TMEM220: variants seen among roughly 807,000 people sequenced by gnomAD.
TMEM220 encodes transmembrane protein 220.
In TMEM220, 21 loss-of-function variants were observed where a neutral mutation model predicts 21.7. The observed-to-expected ratio is 0.97, with a 90% confidence interval of 0.69 to 1.39. TMEM220 has a LOEUF of 1.39. Ranked by LOEUF, TMEM220 falls within the 40% of genes most tolerant of loss-of-function variation. The pLI is 0.00. For synonymous variants in TMEM220, 80 were observed against 73.6 expected (o/e 1.09, Z -0.45); for missense variants, 191 against 201.9 (o/e 0.95, Z 0.33).
rs138543858 is a variant in TMEM220, at chr17:10,722,693, G to A, written c.347+577C>T. On this transcript the variant is annotated intron_variant, in intron 5 of 5. Transcript: ENST00000341871. Reference sequence around the variant, plus strand: ...TTAACATTCATCGATATGTACACACGCACTTATATTGTCTTTGCTCTTCAT... The same window carrying A: ...TTAACATTCATCGATATGTACACACACACTTATATTGTCTTTGCTCTTCAT... 4.6e-5 allele frequency among the ~76,000 whole-genome samples: 7 copies of A among 152,174 alleles called. No individual in the cohort carries two copies. The East Asian group carries it at 7.7e-4, about 17-fold the overall frequency.
In TMEM220 at chr17:10,714,419, T is replaced by A. The variant is rs958845773; in HGVS notation, c.*1034A>T. On this transcript the variant is annotated 3_prime_UTR_variant, in exon 6 of 6. Coordinates refer to ENST00000341871, the MANE Select transcript of TMEM220 (RefSeq NM_001004313.3). ...AAAAGCTCTCCTCCCTAGGATTACT[T>A]TGGACATCCATTTATAAAGAATGTA... 1.3e-5 allele frequency: 2 copies of A among 152,118 alleles called. No homozygotes were observed. The highest frequency in any genetic ancestry group is 6.5e-5 in the Admixed American group (1 of 15,272). The allele number at this position is 152,118 out of a possible 1,614,324, so 9.4% of individuals were successfully genotyped here.
At chr17:10,729,087 A>G in intron 1 of TMEM220, 27 bp from the exon 2 acceptor site, 2 of 1,613,978 alleles carry the variant, frequency 1.2e-6, no homozygotes, top group South Asian at 1.1e-5. Flanking sequence ...CCAAGGTGTT[A>G]GCAGACATCC....
intron 2 of TMEM220, 189 bp from the exon 3 acceptor site, chr17:10,726,453 A>C: frequency 1.6e-6 from 1 of 612,060 alleles, no homozygotes; most frequent in East Asian, 2.8e-5. Context: ...GTCTGCCTGC[A>C]ATTTTATCTA....
intron 4 of TMEM220, 46 bp from the exon 5 acceptor site, chr17:10,723,375 A>G: frequency 7.0e-7 from 1 of 1,436,676 alleles, no homozygotes; most frequent in Non-Finnish European, 9.8e-7. Flanking sequence ...GCTACAAGTG[A>G]GATGCATATC....
Position 10,714,306 on chromosome 17 carries a change from T to C in TMEM220, c.*1147A>G, listed in dbSNP as rs2074882256. The C allele has an allele frequency of 6.6e-6, 1 of 152,066 alleles. No homozygotes were observed. Among genetic ancestry groups the C allele is most frequent in the South Asian group, 2.1e-4 (1 of 4,814 alleles). 9.4% of individuals were successfully genotyped at this position (152,066 alleles called of 1,614,324 possible). A position where few individuals can be genotyped will look rare whatever the true frequency, so the allele number is the denominator to read the frequency against. On this transcript the variant is annotated 3_prime_UTR_variant, in exon 6 of 6. Transcript: ENST00000341871. ...TAAAATTTGCAATTGGAAAATTAGA[T>C]TCAAATACCCAAGTTGTTCCAAACA...
At position 10,713,304 on chromosome 17, in the gene TMEM220, TATTAA is replaced by T. The variant is rs2074868677; in HGVS notation, c.*2144_*2148del. On this transcript the variant is annotated 3_prime_UTR_variant, in exon 6 of 6. Transcript: ENST00000341871. Reference sequence around the variant, plus strand: ...AAAAAAAAGATTTTAATAATAGAAATATTAAATTTAATAATAATACTTAAATTCAA... The same window carrying T: ...AAAAAAAAGATTTTAATAATAGAAATATTTAATAATAATACTTAAATTCAA... 1 of 150,558 alleles carries T rather than the reference TATTAA, an allele frequency of 6.6e-6. No individual in the cohort carries two copies. The highest frequency in any genetic ancestry group is 2.4e-5 in the African/African-American group (1 of 41,056). 9.3% of individuals were successfully genotyped at this position (150,558 alleles called of 1,614,324 possible).
Position 10,715,535 on chromosome 17 carries a change from A to G in TMEM220, c.401T>C (p.Phe134Ser), listed in dbSNP as rs1167839209. 4 of 1,605,038 alleles carry G rather than the reference A, an allele frequency of 2.5e-6. No individual in the cohort carries two copies. The highest frequency in any genetic ancestry group is 2.5e-6 in the Non-Finnish European group (3 of 1,177,820). Reference protein sequence around the residue: ...QLAIAIVITLFPFISWVYIYI... With the variant: ...QLAIAIVITLSPFISWVYIYI... ...TATGTAGACCCATGAGATAAATGGG[A>G]AAAGTGTGATTACAATGGCAATAGC... Residue 134 changes from phenylalanine (F) to serine (S), a missense_variant, in exon 6 of 6, where the codon TTC becomes TCC. Transcript: ENST00000341871.
In TMEM220 at chr17:10,725,167, G is replaced by A. The variant is rs774255050; in HGVS notation, c.164-33C>T. 95 of 1,609,542 alleles carry A rather than the reference G, an allele frequency of 5.9e-5. No individual in the cohort carries two copies. The Middle Eastern group carries it at 6.6e-4, about 11-fold the overall frequency. On this transcript the variant is annotated intron_variant, in intron 3 of 5. Transcript: ENST00000341871. ...TAGATGTTCTGATGTTGTTAACCACGGAATCACAGCCCACAGAAAAAAAAA... is the reference window on the plus strand; with the variant it reads ...TAGATGTTCTGATGTTGTTAACCACAGAATCACAGCCCACAGAAAAAAAAA...
rs2075034313 is a variant in TMEM220, at chr17:10,725,095, A to AAAATACACACC, written c.202_203insGGTGTGTATTT (p.Leu68ArgfsTer39). On this transcript the variant is annotated frameshift_variant, in exon 4 of 6. Coordinates refer to ENST00000341871, the MANE Select transcript of TMEM220 (RefSeq NM_001004313.3). LOFTEE classifies it high-confidence loss of function. ...GCCAACAGCCCACACCGTACAAAAGAGTATGTGTATTGCAGAGATACTTTT... is the reference window on the plus strand; with the variant it reads ...GCCAACAGCCCACACCGTACAAAAGAAAATACACACCGTATGTGTATTGCAGAGATACTTTT... The AAAATACACACC allele has an allele frequency of 6.2e-7, 1 of 1,614,078 alleles. No homozygotes were observed. The highest frequency in any genetic ancestry group is 1.7e-5 in the Admixed American group (1 of 59,996).
chr17:10,715,715 T>G, intron 5 of TMEM220, 127 bp from the exon 6 acceptor site: 1 of 624,390 alleles, frequency 1.6e-6, no homozygotes, highest in Non-Finnish European at 2.5e-6. Context: ...TTTATTGAAA[T>G]ATAACATTGA....
At position 10,726,159 on chromosome 17, in the gene TMEM220, G is replaced by A. The variant is rs442709; in HGVS notation, c.163+45C>T. On this transcript the variant is annotated intron_variant, in intron 3 of 5. Transcript: ENST00000341871. ...GCAGATAGACCCTCATTATTATGAG[G>A]AAATCTGATTTGCTGTCTCTCCATT... 5.2e-4 allele frequency: 802 copies of A among 1,531,336 alleles called. 3 individuals are homozygous for A. In the African/African-American group the frequency reaches 9.6e-3, roughly 18 times the overall value. 94.9% of individuals were successfully genotyped at this position (1,531,336 alleles called of 1,614,324 possible).
chr17:10,719,257 C>A (rs1011740484), intron 5 of TMEM220, among the ~76,000 whole-genome samples: 4 of 151,838 alleles, frequency 2.6e-5, no homozygotes, highest in African/African-American at 4.8e-5. Flanking sequence ...AGGATAAATT[C>A]TATCTATCTA....
At chr17:10,716,935 G>A (rs900629748) in intron 5 of TMEM220, among the ~76,000 whole-genome samples, 3 of 151,980 alleles carry the variant, frequency 2.0e-5, no homozygotes, top group South Asian at 4.1e-4. Context: ...TTATTCCTAC[G>A]GAGTGGATTT....
intron 5 of TMEM220, among the ~76,000 whole-genome samples, chr17:10,719,948 G>T (rs994880628): frequency 3.3e-5 from 5 of 152,094 alleles, no homozygotes; most frequent in African/African-American, 9.7e-5. Context: ...AATATAAATG[G>T]CTCTGAACCA....
chr17:10,729,929 C>T lies in TMEM220; in HGVS notation c.-78G>A, dbSNP rs1301307203. On this transcript the variant is annotated 5_prime_UTR_variant, in exon 1 of 6. Coordinates refer to ENST00000341871, the MANE Select transcript of TMEM220 (RefSeq NM_001004313.3). ...AGTCCTGCCACGTACGGTCCGCCTT[C>T]CTCCTTGCGCGGAGGGACCGAGACC... 2 of 1,234,668 alleles carry T rather than the reference C, an allele frequency of 1.6e-6. No homozygotes were observed. Among genetic ancestry groups the T allele is most frequent in the African/African-American group, 1.6e-5 (1 of 63,696 alleles). 76.5% of individuals were successfully genotyped at this position (1,234,668 alleles called of 1,614,324 possible).
chr17:10,727,886 C>T (rs1331966879), intron 2 of TMEM220, among the ~76,000 whole-genome samples: 3 of 152,096 alleles, frequency 2.0e-5, no homozygotes, highest in Admixed American at 1.3e-4. Flanking sequence ...TAGAGCCGGG[C>T]GCGGTGACTC....
At chr17:10,715,950 C>A in intron 5 of TMEM220, 1 of 354,622 alleles carries the variant, frequency 2.8e-6, no homozygotes, top group Non-Finnish European at 5.2e-6. Context: ...TAAATTTTAT[C>A]ACATATTTAT....
chr17:10,725,950 A>G (rs950436274), intron 3 of TMEM220, among the ~76,000 whole-genome samples: 1 of 152,194 alleles, frequency 6.6e-6, no homozygotes, highest in Non-Finnish European at 1.5e-5. Flanking sequence ...CACTAGGAGA[A>G]ACTGTTTTAA....
rs1401711107 is a variant in TMEM220 at position 10,729,841 on chromosome 17, G to A, written c.11C>T (p.Ala4Val). ...GAGTCCGTTGCAGGCCCGCCACAGC[G>A]CTGGCGCCATGGCTCGGAGAACACG... is the stretch of plus-strand genomic sequence containing the variant. Reference protein sequence around the residue: MAPALWRACNGLMA... With the variant: MAPVLWRACNGLMA... Residue 4 changes from alanine to valine, a missense_variant, in exon 1 of 6, where the codon GCG becomes GTG. Physicochemically the swap from Ala to Val is moderately conservative, Grantham distance 64. Coordinates refer to ENST00000341871, the MANE Select transcript of TMEM220 (RefSeq NM_001004313.3). 1 of 1,374,790 alleles carries A rather than the reference G, an allele frequency of 7.3e-7. No individual in the cohort carries two copies. Among genetic ancestry groups the A allele is most frequent in the Non-Finnish European group, 9.5e-7 (1 of 1,056,102 alleles). The allele number at this position is 1,374,790 out of a possible 1,614,324, so 85.2% of individuals were successfully genotyped here. A position where few individuals can be genotyped will look rare whatever the true frequency, so the allele number is the denominator to read the frequency against.
Sources: allele counts gnomAD v4.1 joint callset (sites outside exome capture counted in the v4.1 genomes callset), GRCh38; gene constraint gnomAD v4.1.1; transcripts MANE v1.5; gene names NCBI Gene and HGNC (gene_info 2026-07-23, HGNC 2026-07-21).